Variants in ABCA7 observed in about 807,000 individuals in gnomAD.
The protein encoded by ABCA7 is ATP binding cassette subfamily A member 7.
In ABCA7, 261 loss-of-function variants were observed where a neutral mutation model predicts 227.6. The ratio of observed to expected loss-of-function variants is 1.15; its 90% CI spans 1.04 to 1.27. ABCA7 has a LOEUF of 1.27. Among genes scored for constraint, ABCA7 ranks in the 50% most tolerant of loss-of-function variants. The pLI is 0.00. For missense variants in ABCA7, 3,331 were observed against 2,924.5 expected, an observed-to-expected ratio of 1.14 and a Z score of -3.21; for synonymous variants, 1,488 against 1,279.7, an observed-to-expected ratio of 1.16 and a Z score of -3.47.
chr19:1,058,763 G>A lies in ABCA7; in HGVS notation c.5279+16G>A. The A allele has an allele frequency of 6.2e-7, 1 of 1,610,310 alleles. No individual in the cohort carries two copies. Among genetic ancestry groups the A allele is most frequent in the African/African-American group, 1.3e-5 (1 of 74,852 alleles). ...TCCTGCCACAGTTAGTGAGGTCTAT[G>A]GAGAGGGTGGCAGGGGCCAAGGACC... On this transcript the variant is annotated intron_variant, in intron 38 of 46. Coordinates refer to ENST00000263094, the MANE Select transcript of ABCA7 (RefSeq NM_019112.4).
At position 1,062,153 on chromosome 19, in the gene ABCA7, C is replaced by T. The variant is rs1264205986; in HGVS notation, c.5571-19C>T. ...AGGGACTAGCCAGCTCTCTGAGCCC[C>T]CGGCGCCCCCATCCCCAGCGTGGCC... On this transcript the variant is annotated intron_variant, in intron 41 of 46. Transcript: ENST00000263094. The T allele has an allele frequency of 2.5e-6, 4 of 1,610,242 alleles. No homozygotes were observed. Among genetic ancestry groups the T allele is most frequent in the Non-Finnish European group, 3.4e-6 (4 of 1,178,684 alleles).
At chr19:1,062,967 C>T (rs1477956366) in intron 42 of ABCA7, among the ~76,000 whole-genome samples, 526 of 115,192 alleles carry the variant, frequency 4.6e-3, no homozygotes, top group Middle Eastern at 0.016. Context: ...CATACTCATG[C>T]TGGCTCCACC....
rs1007086334 is a variant in ABCA7 at position 1,041,371 on chromosome 19, T to TG, written c.12dup (p.Thr5AspfsTer49). On this transcript the variant is annotated frameshift_variant, in exon 2 of 47. Coordinates refer to ENST00000263094, the MANE Select transcript of ABCA7 (RefSeq NM_019112.4). LOFTEE classifies it high-confidence loss of function. Reference sequence around the variant, plus strand: ...CCTGCCCAGTCTCACCATGGCCTTCTGGACACAGCTGATGCTGCTGCTCTG... The same window carrying TG: ...CCTGCCCAGTCTCACCATGGCCTTCTGGGACACAGCTGATGCTGCTGCTCTG... The TG allele has an allele frequency of 3.7e-6, 6 of 1,613,928 alleles. No homozygotes were observed. In the African/African-American group the frequency reaches 8.0e-5, roughly 22 times the overall value.
In ABCA7 at chr19:1,056,366, G is replaced by A; in HGVS notation, c.4453G>A (p.Ala1485Thr). 6.2e-7 allele frequency: 1 copy of A among 1,613,366 alleles called. No individual in the cohort carries two copies. Among genetic ancestry groups the A allele is most frequent in the Non-Finnish European group, 8.5e-7 (1 of 1,179,962 alleles). Reference sequence around the variant, plus strand: ...CAACAAAGGCTGGCACTCCATGGTGGCCTTTGTCAACCGAGCCAGCAACGC... The same window carrying A: ...CAACAAAGGCTGGCACTCCATGGTGACCTTTGTCAACCGAGCCAGCAACGC... ...FNNKGWHSMVAFVNRASNAIL... is the reference protein window; with the variant it reads ...FNNKGWHSMVTFVNRASNAIL... The change falls in exon 33 of 47, where the codon GCC becomes ACC. Residue 1485 changes from alanine (A) to threonine (T), a missense_variant. Coordinates refer to ENST00000263094, the MANE Select transcript of ABCA7 (RefSeq NM_019112.4). This position sits in a 1 kb window ranked among gnomAD's most constrained non-coding sequence, Gnocchi z 4.3.
chr19:1,044,977 T>C (rs1297115245), intron 11 of ABCA7, 25 bp from the exon 12 acceptor site: 4 of 1,609,958 alleles, frequency 2.5e-6, no homozygotes, highest in South Asian at 2.2e-5. Flanking sequence ...CCCCAGCGCC[T>C]AGGACTCACC....
chr19:1,041,815 A>G lies in ABCA7; in HGVS notation c.161-16A>G, dbSNP rs1469528548. On this transcript the variant is annotated splice_polypyrimidine_tract_variant and intron_variant, in intron 3 of 46. Coordinates refer to ENST00000263094, the MANE Select transcript of ABCA7 (RefSeq NM_019112.4). ...GCAGAGTCCACAGGGCCTCAGCACC[A>G]GGCGTCTCCCCGCAGGCCACTTCCC... The G allele has an allele frequency of 4.4e-6, 7 of 1,600,676 alleles. No homozygotes were observed. Among genetic ancestry groups the G allele is most frequent in the Non-Finnish European group, 5.9e-6 (7 of 1,178,328 alleles).
At position 1,041,957 on chromosome 19, in the gene ABCA7, A is replaced by G. The variant is rs952004729; in HGVS notation, c.287A>G (p.Asn96Ser). Residue 96 changes from asparagine to serine, a missense_variant, in exon 4 of 47, where the codon AAC becomes AGC. By Grantham distance (46) the Asn-to-Ser change is conservative. Transcript: ENST00000263094. ...TPGEEPGRLS[N>S]FNDSLVSRLL... Reference sequence around the variant, plus strand: ...GGCGAGGAGCCCGGGCGCCTGAGCAACTTCAACGACTCCCTGTGAGCCAGA... The same window carrying G: ...GGCGAGGAGCCCGGGCGCCTGAGCAGCTTCAACGACTCCCTGTGAGCCAGA... 19 of 1,586,386 alleles carry G rather than the reference A, an allele frequency of 1.2e-5. No homozygotes were observed. Among genetic ancestry groups the G allele is most frequent in the Non-Finnish European group, 1.5e-5 (18 of 1,172,134 alleles).
rs2040498808 is a variant in ABCA7 at position 1,045,245 on chromosome 19, G to C, written c.1445+14G>C. 6.3e-7 allele frequency: 1 copy of C among 1,598,612 alleles called. No homozygotes were observed. Among genetic ancestry groups the C allele is most frequent in the Middle Eastern group, 1.7e-4 (1 of 6,022 alleles). On this transcript the variant is annotated intron_variant, in intron 12 of 46. Transcript: ENST00000263094. Reference sequence around the variant, plus strand: ...GATCAGGGACAGGTCAGGCGAGGGAGGGGGCGGGGGGATGAGGGACTGGGC... The same window carrying C: ...GATCAGGGACAGGTCAGGCGAGGGACGGGGCGGGGGGATGAGGGACTGGGC...
chr19:1,041,649 C>G (rs774432275), intron 3 of ABCA7, 46 bp downstream of exon 3: 2 of 1,593,214 alleles, frequency 1.3e-6, no homozygotes, highest in South Asian at 2.2e-5. Flanking sequence ...TAGGGGAAGG[C>G]AGATGGCTCA....
At chr19:1,061,955 C>A in intron 41 of ABCA7, 67 bp downstream of exon 41, 1 of 1,478,198 alleles carries the variant, frequency 6.8e-7, no homozygotes, top group Non-Finnish European at 9.1e-7. Flanking sequence ...CTTCCCCACC[C>A]CTCCACCTCC....
chr19:1,054,414 C>T lies in ABCA7; in HGVS notation c.3726+73C>T. ...CTACCCTGGCCGTCCACTCAGTGGC[C>T]TAATCCAAACCCTTACCCCCGTGTG... On this transcript the variant is annotated intron_variant, in intron 27 of 46. Coordinates refer to ENST00000263094, the MANE Select transcript of ABCA7 (RefSeq NM_019112.4). This position sits in a 1 kb window ranked among gnomAD's most constrained non-coding sequence, Gnocchi z 4.8. 6 of 1,553,660 alleles carry T rather than the reference C, an allele frequency of 3.9e-6. No homozygotes were observed. The highest frequency in any genetic ancestry group is 5.2e-6 in the Non-Finnish European group (6 of 1,152,716).
chr19:1,062,339 C>G (rs765586710), intron 42 of ABCA7, 26 bp downstream of exon 42: 1 of 1,596,290 alleles, frequency 6.3e-7, no homozygotes, highest in South Asian at 1.1e-5. Flanking sequence ...CCCCACCGCT[C>G]TCACCTCCCA....
Position 1,065,441 on chromosome 19 carries a change from G to A in ABCA7, c.*16G>A, listed in dbSNP as rs760763854. The A allele has an allele frequency of 3.1e-6, 5 of 1,612,156 alleles. No individual in the cohort carries two copies. In the Admixed American group the frequency reaches 5.0e-5, roughly 16 times the overall value. ...TGTGCTCTGAGCCTCCCTCCCCTGC[G>A]GGGCCGCGGGGAGGCCCTGGGAATG... On this transcript the variant is annotated 3_prime_UTR_variant, in exon 47 of 47. Transcript: ENST00000263094.
In ABCA7 at chr19:1,051,187, GGC is replaced by G. The variant is rs746803783; in HGVS notation, c.2719_2720del (p.Arg907AlafsTer93). 6.2e-7 allele frequency: 1 copy of G among 1,611,184 alleles called. No homozygotes were observed. The highest frequency in any genetic ancestry group is 8.5e-7 in the Non-Finnish European group (1 of 1,179,914). ...GTGGACGAGCACGTCTGGTTCTATG[GGC>G]GGCTGAAGGGTCTGAGTGCCGCTGT... On this transcript the variant is annotated frameshift_variant, in exon 20 of 47. Transcript: ENST00000263094. LOFTEE classifies it high-confidence loss of function.
intron 24 of ABCA7, 59 bp downstream of exon 24, chr19:1,053,590 G>T (rs1421352324): frequency 2.0e-6 from 3 of 1,538,028 alleles, no homozygotes; most frequent in Non-Finnish European, 2.6e-6. Flanking sequence ...GGAGGAGGTG[G>T]TGTTTTGAAG....
intron 17 of ABCA7, 33 bp downstream of exon 17, chr19:1,049,038 C>A: frequency 1.6e-6 from 2 of 1,241,808 alleles, no homozygotes; most frequent in Non-Finnish European, 2.3e-6. Flanking sequence ...AGCTGGTTGT[C>A]CACATATGCC....
intron 36 of ABCA7, 30 bp from the exon 37 acceptor site, chr19:1,058,116 G>C: frequency 6.2e-7 from 1 of 1,613,996 alleles, no homozygotes; most frequent in Non-Finnish European, 8.5e-7. Flanking sequence ...CTCAGCCCCT[G>C]ACCAACATCC....
chr19:1,048,951 G>C lies in ABCA7; in HGVS notation c.2326G>C (p.Gly776Arg), dbSNP rs149949633. 119 of 1,609,400 alleles carry C rather than the reference G, an allele frequency of 7.4e-5. No individual in the cohort carries two copies. In the South Asian group the frequency reaches 1.1e-3, roughly 15 times the overall value. The change falls in exon 17 of 47, where the codon GGA (glycine) becomes CGA (arginine). Residue 776 changes from glycine to arginine, a missense_variant. Coordinates refer to ENST00000263094, the MANE Select transcript of ABCA7 (RefSeq NM_019112.4). ...TCCTTTTCGGAGGAGCTACTGGTGC[G>C]GACCTCGGCCCCCCAAGAGTCCAGC... The part of the protein sequence containing the change: ...NFPFRRSYWC[G>R]PRPPKSPAPC...
rs1172171702 is a variant in ABCA7, at chr19:1,053,818, G to T, written c.3454G>T (p.Ala1152Ser). ...CCTGAAGGTGGTGGAGGAGTGTGCT[G>T]CGGACACAGATATGGAGGGTGCGGC... ...IFLKVVEECA[A>S]DTDMEDGSCG... Residue 1152 changes from alanine to serine, a missense_variant, in exon 25 of 47, where the codon GCG (alanine) becomes TCG (serine). Coordinates refer to ENST00000263094, the MANE Select transcript of ABCA7 (RefSeq NM_019112.4). 1 of 1,612,258 alleles carries T rather than the reference G, an allele frequency of 6.2e-7. No homozygotes were observed. The highest frequency in any genetic ancestry group is 8.5e-7 in the Non-Finnish European group (1 of 1,178,874).
Sources: gnomAD v4.1 joint callset for allele counts (sites outside exome capture counted in the v4.1 genomes callset) on GRCh38, gnomAD v4.1.1 for gene constraint, Gnocchi (gnomAD v3.1) non-coding constraint, MANE v1.5 for transcripts, NCBI Gene and HGNC (gene_info 2026-07-23, HGNC 2026-07-21) for gene names.